The following ATP2C2 variants were observed in gnomAD, a reference collection of about 807,000 sequenced individuals.
ATP2C2 encodes the protein ATPase secretory pathway Ca2+ transporting 2, also known as calcium-transporting ATPase type 2C member 2.
A neutral mutation model predicts 110.8 loss-of-function variants in ATP2C2; 171 were observed. The observed-to-expected ratio is 1.54, with a 90% CI of 1.36 to 1.75. The LOEUF (loss-of-function observed/expected upper bound fraction) is 1.75. Among genes scored for constraint, ATP2C2 ranks in the 40% most tolerant of loss-of-function variants. The pLI, the probability that ATP2C2 is intolerant of heterozygous loss-of-function variation, is 0.00. For synonymous variants in ATP2C2, 804 were observed against 508.4 expected, an observed-to-expected ratio of 1.58 and a Z score of -7.82; for missense variants, 1,963 against 1,235.0, an observed-to-expected ratio of 1.59 and a Z score of -8.84.
At chr16:84,369,738 G>A (rs1909841530) in intron 1 of ATP2C2, among the ~76,000 whole-genome samples, 1 of 152,180 alleles carries the variant, frequency 6.6e-6, no homozygotes, top group Non-Finnish European at 1.5e-5. Flanking sequence ...TTTTGTTTGT[G>A]AGATTAAGTA....
chr16:84,413,952 A>T (rs1050115189), intron 6 of ATP2C2, among the ~76,000 whole-genome samples: 4 of 152,220 alleles, frequency 2.6e-5, no homozygotes, highest in African/African-American at 9.6e-5. Context: ...GTACATAATA[A>T]GCCAGTGAAG....
intron 7 of ATP2C2, among the ~76,000 whole-genome samples, chr16:84,417,519 G>A (rs16963611): frequency 0.029 from 4,376 of 152,212 alleles, 207 homozygotes; most frequent in African/African-American, 0.094. Flanking sequence ...TCTATACAAC[G>A]GTTCTTTGAA....
At position 84,404,918 on chromosome 16, in the gene ATP2C2, G is replaced by T. The variant is rs758614292; in HGVS notation, c.211-210G>T. On this transcript the variant is annotated intron_variant, in intron 2 of 26. Coordinates refer to ENST00000262429, the MANE Select transcript of ATP2C2 (RefSeq NM_014861.4). Reference sequence around the variant, plus strand: ...TAAGACCAGAGTCGTCTTTTCTGCTGTAATTATAATGGTCACTGGCTTGTG... The same window carrying T: ...TAAGACCAGAGTCGTCTTTTCTGCTTTAATTATAATGGTCACTGGCTTGTG... 7 of 660,656 alleles carry T rather than the reference G, an allele frequency of 1.1e-5. No homozygotes were observed. In the East Asian group the frequency reaches 2.1e-4, roughly 20 times the overall value. The allele number at this position is 660,656 out of a possible 1,614,324, so 40.9% of individuals were successfully genotyped here. A position where few individuals can be genotyped will look rare whatever the true frequency, so the allele number is the denominator to read the frequency against.
At chr16:84,440,556 C>T (rs563516828) in intron 13 of ATP2C2, among the ~76,000 whole-genome samples, 3 of 152,322 alleles carry the variant, frequency 2.0e-5, no homozygotes, top group Admixed American at 6.5e-5. Context: ...TTACCCAGCG[C>T]TGTTCTTGGA....
chr16:84,418,267 G>A lies in ATP2C2; in HGVS notation c.624+2676G>A, dbSNP rs374646681. Among the ~76,000 whole-genome samples the A allele has an allele frequency of 1.6e-4, 25 of 152,238 alleles. No homozygotes were observed. In the East Asian group the frequency reaches 2.5e-3, roughly 15 times the overall value. The stretch of plus-strand genomic sequence containing the variant: ...CCTCTGTCTTCAGGCTCGGCCTGCC[G>A]CCTCCTTGGTGGCTATGGGTTCTGT... On this transcript the variant is annotated intron_variant, in intron 7 of 26. Transcript: ENST00000262429.
chr16:84,417,226 A>C (rs895322336), intron 7 of ATP2C2, among the ~76,000 whole-genome samples: 2 of 152,200 alleles, frequency 1.3e-5, no homozygotes, highest in African/African-American at 4.8e-5. Context: ...GGTGCCTGGC[A>C]CAGGTGAGTG....
At chr16:84,406,969 A>C (rs1270309155) in intron 3 of ATP2C2, among the ~76,000 whole-genome samples, 2 of 151,864 alleles carry the variant, frequency 1.3e-5, no homozygotes, top group African/African-American at 4.8e-5. Flanking sequence ...AAATCTCTTA[A>C]ATTTCTTGAG....
rs758180139 is a variant in ATP2C2, at chr16:84,415,597, T to C, written c.624+6T>C. ...CAGACATCCGACTCACTGAGGTGAGTGGTTCCAAACCCTTGTCAATGGGGT... is the reference window on the plus strand; with the variant it reads ...CAGACATCCGACTCACTGAGGTGAGCGGTTCCAAACCCTTGTCAATGGGGT... On this transcript the variant is annotated splice_donor_region_variant and intron_variant, in intron 7 of 26. Coordinates refer to ENST00000262429, the MANE Select transcript of ATP2C2 (RefSeq NM_014861.4). 1 of 1,610,146 alleles carries C rather than the reference T, an allele frequency of 6.2e-7. No individual in the cohort carries two copies. Among genetic ancestry groups the C allele is most frequent in the Admixed American group, 1.7e-5 (1 of 59,666 alleles).
intron 23 of ATP2C2, chr16:84,459,593 G>T: frequency 6.5e-7 from 1 of 1,535,802 alleles, no homozygotes; most frequent in Non-Finnish European, 8.7e-7. Context: ...GCAGAGCTGG[G>T]TGAGGATGGA....
In ATP2C2 at chr16:84,398,498, G is replaced by A. The variant is rs749400152; in HGVS notation, c.100-1G>A. On this transcript the variant is annotated splice_acceptor_variant, in intron 1 of 26. Transcript: ENST00000262429. LOFTEE classifies it high-confidence loss of function. ...AAACAGCAACCCTGCTCTTTTCACA[G>A]ATTGATGAACAGAGTGAGCTGAAAG... The A allele has an allele frequency of 8.1e-6, 13 of 1,600,148 alleles. No individual in the cohort carries two copies. The East Asian group carries it at 2.2e-4, about 28-fold the overall frequency.
At chr16:84,462,464 T>G in intron 26 of ATP2C2, 1 of 216,444 alleles carries the variant, frequency 4.6e-6, no homozygotes. Flanking sequence ...GCCTGGGAGG[T>G]ACCCCAGCTG....
Position 84,448,658 on chromosome 16 carries a change from A to G in ATP2C2, c.1629A>G (p.Glu543=), listed in dbSNP as rs200495147. ...TPQQRSFCLQ[E]EKRMGSLGLR... ...AGCAGAGGTCATTCTGCCTGCAGGA[A>G]GAGAAGAGGATGGGGTCGCTCGGTT... Residue 543 remains glutamate (E), a synonymous_variant, in exon 17 of 27, where the codon GAA becomes GAG. Coordinates refer to ENST00000262429, the MANE Select transcript of ATP2C2 (RefSeq NM_014861.4). The G allele has an allele frequency of 4.5e-5, 73 of 1,613,906 alleles. No homozygotes were observed. Among genetic ancestry groups the G allele is most frequent in the Non-Finnish European group, 5.8e-5 (68 of 1,179,918 alleles).
chr16:84,447,517 G>T (rs1909858907), intron 16 of ATP2C2, among the ~76,000 whole-genome samples: 1 of 151,370 alleles, frequency 6.6e-6, no homozygotes, highest in South Asian at 2.1e-4. Flanking sequence ...ACATCTGGAT[G>T]GTATTTTCAA....
At chr16:84,390,076 G>A (rs1187392859) in intron 1 of ATP2C2, among the ~76,000 whole-genome samples, 1 of 152,126 alleles carries the variant, frequency 6.6e-6, no homozygotes, top group African/African-American at 2.4e-5. Context: ...TATACCCTTA[G>A]CCCCCCACAT....
In ATP2C2 at chr16:84,439,307, G is replaced by A; in HGVS notation, c.1111+17G>A. On this transcript the variant is annotated intron_variant, in intron 12 of 26. Transcript: ENST00000262429. ...AGACTTTAGGTGAGGGACTCCAGCT[G>A]GTGGAATCCTTACACGTGGAATTGA... 1 of 1,613,434 alleles carries A rather than the reference G, an allele frequency of 6.2e-7. No homozygotes were observed. The highest frequency in any genetic ancestry group is 8.5e-7 in the Non-Finnish European group (1 of 1,180,030).
At chr16:84,394,111 G>A (rs1904831432) in intron 1 of ATP2C2, among the ~76,000 whole-genome samples, 1 of 151,910 alleles carries the variant, frequency 6.6e-6, no homozygotes, top group Non-Finnish European at 1.5e-5. Flanking sequence ...TTGAGCCTGG[G>A]AGGCGGAGGT....
intron 17 of ATP2C2, among the ~76,000 whole-genome samples, 175 bp from the exon 18 acceptor site, chr16:84,451,746 G>A (rs980933259): frequency 6.6e-6 from 1 of 152,170 alleles, no homozygotes; most frequent in Non-Finnish European, 1.5e-5. Flanking sequence ...GCTGAGGCAG[G>A]AGAACGGTTT....
chr16:84,412,266 GTATGTGTGTAC>G (rs1313525814), intron 6 of ATP2C2, among the ~76,000 whole-genome samples: 1 of 151,166 alleles, frequency 6.6e-6, no homozygotes, highest in Non-Finnish European at 1.5e-5. Flanking sequence ...GTGTGTGTAT[GTATGTGTGTAC>G]GTGTGTGCAC....
At chr16:84,386,472 T>C (rs1306235129) in intron 1 of ATP2C2, among the ~76,000 whole-genome samples, 1 of 152,204 alleles carries the variant, frequency 6.6e-6, no homozygotes, top group Non-Finnish European at 1.5e-5. Flanking sequence ...TCTCCTCACC[T>C]TGCCAACAAT....
Sources: gnomAD v4.1 joint callset for allele counts (sites outside exome capture counted in the v4.1 genomes callset) on GRCh38, gnomAD v4.1.1 for gene constraint, MANE v1.5 for transcripts, NCBI Gene and HGNC (gene_info 2026-07-23, HGNC 2026-07-21) for gene names.